DPH6: variants seen among roughly 807,000 people sequenced by gnomAD.
The protein encoded by DPH6 is diphthine--ammonia ligase.
In DPH6, 33 loss-of-function variants were observed where a neutral mutation model predicts 38.2. The observed-to-expected ratio is 0.86, with a 90% CI of 0.65 to 1.15. The LOEUF (loss-of-function observed/expected upper bound fraction) is 1.15. DPH6 is among the 50% of genes most tolerant of loss of function. DPH6 has a pLI of 0.00. For synonymous variants in DPH6, 108 were observed against 103.0 expected (o/e 1.05, Z -0.30); for missense variants, 325 against 320.0 (o/e 1.02, Z -0.12).
At chr15:35,232,615 ACAAC>A (rs1476976260) in intron 3 of DPH6, among the ~76,000 whole-genome samples, 3 of 151,568 alleles carry the variant, frequency 2.0e-5, no homozygotes, top group South Asian at 4.2e-4. Context: ...AAACAAACAA[ACAAC>A]AACAATATAT....
chr15:35,493,204 T>C (rs910464397), intron 3 of DPH6, among the ~76,000 whole-genome samples: 2 of 152,188 alleles, frequency 1.3e-5, no homozygotes, highest in African/African-American at 2.4e-5. Flanking sequence ...AATTGGATCA[T>C]TTATTGTTTC....
chr15:35,421,101 G>C (rs1263832727), intron 5 of DPH6, among the ~76,000 whole-genome samples: 1 of 152,054 alleles, frequency 6.6e-6, no homozygotes, highest in South Asian at 2.1e-4. Flanking sequence ...AAAGAAGCTG[G>C]AAATCTGAAC....
intron 3 of DPH6, among the ~76,000 whole-genome samples, chr15:35,307,088 G>A (rs1258825828): frequency 6.6e-6 from 1 of 152,118 alleles, no homozygotes; most frequent in African/African-American, 2.4e-5. Context: ...TTAAAAAGCT[G>A]TAATCTAGTA....
chr15:35,263,076 T>C (rs1258231673), intron 3 of DPH6, among the ~76,000 whole-genome samples: 3 of 152,134 alleles, frequency 2.0e-5, no homozygotes, highest in African/African-American at 7.2e-5. Flanking sequence ...ACGTGAAAAG[T>C]TTCTAATGAA....
At chr15:35,184,488 C>T in the DPH6 span, among the ~76,000 whole-genome samples, 2 of 152,024 alleles carry the variant, frequency 1.3e-5, no homozygotes, top group Non-Finnish European at 2.9e-5. Context: ...TCTCCCATTT[C>T]ATGAAAATTC....
intron 6 of DPH6, chr15:35,401,310 A>G (rs572144395): frequency 1.2e-6 from 1 of 813,282 alleles, no homozygotes; most frequent in South Asian, 1.3e-5. Context: ...GTAGTGGAGG[A>G]AACTTCAGTG....
intron 3 of DPH6, among the ~76,000 whole-genome samples, chr15:35,253,735 C>T (rs891087044): frequency 2.0e-5 from 3 of 152,158 alleles, no homozygotes; most frequent in Non-Finnish European, 4.4e-5. Context: ...ACAGAAAAGC[C>T]CTCTTTGCTT....
intron 3 of DPH6, among the ~76,000 whole-genome samples, chr15:35,497,635 A>G (rs1473746224): frequency 6.6e-6 from 1 of 152,186 alleles, no homozygotes; most frequent in East Asian, 1.9e-4. Flanking sequence ...AGAAAAGGAA[A>G]AGAAAAAGAC....
chr15:35,226,787 A>C (rs984471879), intron 3 of DPH6, among the ~76,000 whole-genome samples: 1 of 152,226 alleles, frequency 6.6e-6, no homozygotes, highest in Non-Finnish European at 1.5e-5. Flanking sequence ...CGCAATACTG[A>C]TCAAAATACC....
chr15:35,240,821 G>A (rs1227896124), intron 3 of DPH6, among the ~76,000 whole-genome samples: 1 of 143,028 alleles, frequency 7.0e-6, no homozygotes, highest in Admixed American at 7.6e-5. Context: ...ATCTGCTCCC[G>A]ACATTAAATA....
At chr15:35,399,078 A>G (rs1184253339) in intron 6 of DPH6, among the ~76,000 whole-genome samples, 1 of 152,208 alleles carries the variant, frequency 6.6e-6, no homozygotes, top group Non-Finnish European at 1.5e-5. Context: ...TTAGCATAAT[A>G]ACACAGATTA....
Position 35,323,553 on chromosome 15 carries a change from C to T in DPH6, n.200+49968G>A, listed in dbSNP as rs142739884. 5.6e-3 allele frequency among the ~76,000 whole-genome samples: 850 copies of T among 152,186 alleles called. 5 individuals are homozygous for T. Among genetic ancestry groups the T allele is most frequent in the Non-Finnish European group, 6.9e-3 (466 of 67,996 alleles). On this transcript the variant is annotated intron_variant and non_coding_transcript_variant, in intron 3 of 3. Transcript: ENST00000560386. The stretch of plus-strand genomic sequence containing the variant: ...TTTCCAAAACAGTGCAGTTGCCAGC[C>T]GACCTCTTTAGTTACTGCCACATTT...
intron 3 of DPH6, among the ~76,000 whole-genome samples, chr15:35,230,151 G>GGGAGCCAGGGACTACT (rs1268216027): frequency 5.3e-5 from 8 of 152,170 alleles, no homozygotes; most frequent in African/African-American, 1.9e-4. Context: ...GGCGTCATCT[G>GGGAGCCAGGGACTACT]GGAGCCAGGG....
intron 3 of DPH6, among the ~76,000 whole-genome samples, chr15:35,466,322 C>T (rs1024554368): frequency 6.6e-6 from 1 of 152,156 alleles, no homozygotes; most frequent in Non-Finnish European, 1.5e-5. Flanking sequence ...GTATATGGTT[C>T]AATCCTTTAT....
chr15:35,184,443 C>T, the DPH6 span, among the ~76,000 whole-genome samples: 2 of 152,224 alleles, frequency 1.3e-5, no homozygotes, highest in South Asian at 2.1e-4. Context: ...GCCTCAAAGC[C>T]TGTAGCAGAG....
At chr15:35,470,376 A>AT (rs2054183144) in intron 3 of DPH6, among the ~76,000 whole-genome samples, 1 of 152,100 alleles carries the variant, frequency 6.6e-6, no homozygotes, top group African/African-American at 2.4e-5. Flanking sequence ...AAAAATGGGG[A>AT]TTTAAAAAAA....
chr15:35,176,916 T>G, the DPH6 span, among the ~76,000 whole-genome samples: 35 of 152,374 alleles, frequency 2.3e-4, 1 homozygote, highest in East Asian at 6.7e-3. Flanking sequence ...CTAATGATTC[T>G]CTGCATTTCT....
intron 3 of DPH6, among the ~76,000 whole-genome samples, chr15:35,259,793 T>C (rs1486586400): frequency 6.6e-6 from 1 of 152,336 alleles, no homozygotes; most frequent in Non-Finnish European, 1.5e-5. Flanking sequence ...TTTACTTTAG[T>C]TATGGTCACA....
At chr15:35,470,737 A>G (rs1385872144) in intron 3 of DPH6, among the ~76,000 whole-genome samples, 1 of 152,220 alleles carries the variant, frequency 6.6e-6, no homozygotes, top group East Asian at 1.9e-4. Context: ...CAAAGCCATG[A>G]GAAAATGTAT....
Sources: gnomAD v4.1 joint callset for allele counts (sites outside exome capture counted in the v4.1 genomes callset) on GRCh38, gnomAD v4.1.1 for gene constraint, MANE v1.5 for transcripts, NCBI Gene and HGNC (gene_info 2026-07-23, HGNC 2026-07-21) for gene names.